Variants in ESRRG observed in about 807,000 individuals in gnomAD.
ESRRG encodes the protein estrogen-related receptor gamma.
In ESRRG, 13 loss-of-function variants were observed where a neutral mutation model predicts 44.0. The ratio of observed to expected loss-of-function variants is 0.30; its 90% CI spans 0.19 to 0.47. ESRRG has a LOEUF of 0.47. Among genes scored for constraint, ESRRG ranks in the 20% least tolerant of loss-of-function variants. The pLI is 1.00. For missense variants in ESRRG, 395 were observed against 580.6 expected (o/e 0.68, Z 3.29); for synonymous variants, 215 against 214.6 (o/e 1.00, Z -0.02).
chr1:217,132,646 G>A (rs913668713), intron 1 of ESRRG, among the ~76,000 whole-genome samples: 1 of 152,064 alleles, frequency 6.6e-6, no homozygotes, highest in Non-Finnish European at 1.5e-5. Flanking sequence ...TCTAAGAAAA[G>A]CAGGGCCTGT....
At chr1:216,704,021 T>C (rs903035232) in intron 1 of ESRRG, among the ~76,000 whole-genome samples, 1 of 152,196 alleles carries the variant, frequency 6.6e-6, no homozygotes, top group Non-Finnish European at 1.5e-5. Context: ...GTAAAAAGTA[T>C]TGAAAAAATA....
intron 1 of ESRRG, among the ~76,000 whole-genome samples, chr1:216,716,878 T>C (rs1002921044): frequency 6.6e-6 from 1 of 151,914 alleles, no homozygotes; most frequent in African/African-American, 2.4e-5. Context: ...TATAGCTACA[T>C]TCAAATGCAC....
intron 1 of ESRRG, among the ~76,000 whole-genome samples, chr1:216,702,424 A>G (rs2081545870): frequency 6.6e-6 from 1 of 151,956 alleles, no homozygotes; most frequent in South Asian, 2.1e-4. Context: ...CCCCAACAAA[A>G]CAAATACATG....
chr1:216,584,072 T>C (rs984457168), intron 3 of ESRRG, among the ~76,000 whole-genome samples: 6 of 152,142 alleles, frequency 3.9e-5, no homozygotes, highest in African/African-American at 1.2e-4. Flanking sequence ...AGTTAATATA[T>C]GCTTTGACAT....
At chr1:217,118,578 C>T (rs550378029) in intron 1 of ESRRG, among the ~76,000 whole-genome samples, 23 of 152,156 alleles carry the variant, frequency 1.5e-4, no homozygotes, top group African/African-American at 5.3e-4. Flanking sequence ...TACAATCTTA[C>T]CAAGGAAGAA....
intron 2 of ESRRG, among the ~76,000 whole-genome samples, chr1:216,883,418 A>G (rs12739300): frequency 6.7e-6 from 1 of 149,448 alleles, no homozygotes; most frequent in Non-Finnish European, 1.5e-5. Flanking sequence ...AAAAAAAGAT[A>G]CATTGCTCAG....
rs2040839983 is a variant in ESRRG, at chr1:216,504,256, A to G, written c.*2683T>C. 6.6e-6 allele frequency: 1 copy of G among 152,090 alleles called. No homozygotes were observed. The highest frequency in any genetic ancestry group is 2.4e-5 in the African/African-American group (1 of 41,426). 9.4% of individuals were successfully genotyped at this position (152,090 alleles called of 1,614,324 possible). On this transcript the variant is annotated 3_prime_UTR_variant, in exon 7 of 7. Coordinates refer to ENST00000408911, the MANE Select transcript of ESRRG (RefSeq NM_001438.4). The stretch of plus-strand genomic sequence containing the variant: ...TAGTAGCAACTTAAACCCTGCACAA[A>G]CTTTCTGGAAAATAATCTTTTTAAA...
intron 6 of ESRRG, among the ~76,000 whole-genome samples, chr1:216,513,554 T>C (rs930688283): frequency 3.9e-5 from 6 of 152,160 alleles, no homozygotes; most frequent in South Asian, 2.1e-4. Flanking sequence ...CTAGTTTTCT[T>C]TGACATTTAC....
At chr1:216,543,170 T>C (rs78034761) in intron 5 of ESRRG, among the ~76,000 whole-genome samples, 6,757 of 152,088 alleles carry the variant, frequency 0.044, 483 homozygotes, top group African/African-American at 0.15. Context: ...GACAAGAAAT[T>C]GTGTGTTCTG....
At chr1:217,094,273 A>T (rs2151555622), upstream of ESRRG, among the ~76,000 whole-genome samples, 1 of 152,332 alleles carries the variant, frequency 6.6e-6, no homozygotes, top group African/African-American at 2.4e-5. Flanking sequence ...TGTGCCTAAA[A>T]CTTTCTTTCT....
At chr1:217,107,576 A>G (rs2092612763) in intron 1 of ESRRG, among the ~76,000 whole-genome samples, 1 of 152,246 alleles carries the variant, frequency 6.6e-6, no homozygotes, top group African/African-American at 2.4e-5. Context: ...TTGCATTTAA[A>G]TGCATATATG....
chr1:216,912,252 A>AGAGGG (rs2060547155), intron 2 of ESRRG, among the ~76,000 whole-genome samples: 1 of 47,726 alleles, frequency 2.1e-5, no homozygotes, highest in African/African-American at 7.4e-5. Context: ...AGAGGAGAGG[A>AGAGGG]GAGGAGAGGA....
chr1:217,080,212 A>G (rs1195752069), intron 1 of ESRRG, among the ~76,000 whole-genome samples: 3 of 152,226 alleles, frequency 2.0e-5, no homozygotes, highest in Non-Finnish European at 1.5e-5. Context: ...AAAGAGAGGT[A>G]CTATATGTTA....
At chr1:216,909,948 G>T (rs974882611) in intron 2 of ESRRG, among the ~76,000 whole-genome samples, 23 of 152,156 alleles carry the variant, frequency 1.5e-4, no homozygotes, top group African/African-American at 5.5e-4. Context: ...TCAGAACAAA[G>T]AACATTGGAT....
intron 2 of ESRRG, among the ~76,000 whole-genome samples, chr1:216,676,410 T>C (rs560297836): frequency 6.6e-6 from 1 of 152,032 alleles, no homozygotes; most frequent in South Asian, 2.1e-4. Flanking sequence ...AGGTTTTTTT[T>C]AATATAAATT....
At position 216,504,679 on chromosome 1, in the gene ESRRG, C is replaced by T. The variant is rs1250560097; in HGVS notation, c.*2260G>A. On this transcript the variant is annotated 3_prime_UTR_variant, in exon 7 of 7. Coordinates refer to ENST00000408911, the MANE Select transcript of ESRRG (RefSeq NM_001438.4). The stretch of plus-strand genomic sequence containing the variant: ...CATCTGAGAGATGATTGAGTGAAAG[C>T]CATATATACAGCATTTAAAAATTAG... The T allele has an allele frequency of 3.9e-5, 6 of 152,638 alleles. No individual in the cohort carries two copies. In the East Asian group the frequency reaches 1.2e-3, roughly 29 times the overall value. 9.5% of individuals were successfully genotyped at this position (152,638 alleles called of 1,614,324 possible). A position where few individuals can be genotyped will look rare whatever the true frequency, so the allele number is the denominator to read the frequency against.
chr1:217,095,034 GTGTGTGTGTA>G (rs71777556), intron 1 of ESRRG, among the ~76,000 whole-genome samples: 25,842 of 151,942 alleles, frequency 0.17, 2,517 homozygotes, highest in African/African-American at 0.26. Context: ...GTCTGTGAGT[GTGTGTGTGTA>G]TGTGTGTGTA....
At chr1:216,635,009 T>C (rs1332687230) in intron 3 of ESRRG, among the ~76,000 whole-genome samples, 1 of 152,126 alleles carries the variant, frequency 6.6e-6, no homozygotes, top group Non-Finnish European at 1.5e-5. Context: ...TCTCTCTCTC[T>C]CTACTCTCTC....
At chr1:216,704,119 A>G (rs2081993323) in intron 1 of ESRRG, among the ~76,000 whole-genome samples, 1 of 152,186 alleles carries the variant, frequency 6.6e-6, no homozygotes, top group Non-Finnish European at 1.5e-5. Context: ...TGCTTATTTA[A>G]ATGAAGGCTA....
Sources: allele counts gnomAD v4.1 joint callset (sites outside exome capture counted in the v4.1 genomes callset), GRCh38; gene constraint gnomAD v4.1.1; transcripts MANE v1.5; gene names NCBI Gene and HGNC (gene_info 2026-07-23, HGNC 2026-07-21).